The following CHCHD3 variants were observed in gnomAD, a reference collection of about 807,000 sequenced individuals.
CHCHD3 encodes the protein coiled-coil-helix-coiled-coil-helix domain containing 3, also known as MICOS complex subunit MIC19.
In CHCHD3, 20 loss-of-function variants were observed where a neutral mutation model predicts 38.2. The observed-to-expected ratio is 0.52, with a 90% CI of 0.37 to 0.76. CHCHD3 has a LOEUF of 0.76. CHCHD3 is among the 30% of genes least tolerant of loss of function. The pLI, the probability that CHCHD3 is intolerant of heterozygous loss-of-function variation, is 0.00. For synonymous variants in CHCHD3, 82 were observed against 100.0 expected (o/e 0.82, Z 1.07); for missense variants, 245 against 279.2 (o/e 0.88, Z 0.87).
chr7:132,945,934 C>G (rs1810889452), intron 4 of CHCHD3, among the ~76,000 whole-genome samples: 1 of 151,736 alleles, frequency 6.6e-6, no homozygotes, highest in African/African-American at 2.4e-5. Flanking sequence ...CTTCAGAGGG[C>G]AGAGTTACAA....
chr7:132,904,264 GAAA>G (rs773936483), intron 4 of CHCHD3, among the ~76,000 whole-genome samples: 2 of 136,564 alleles, frequency 1.5e-5, no homozygotes, highest in African/African-American at 5.4e-5. Flanking sequence ...TTTGTGTCTA[GAAA>G]AAAAAAAAAC....
chr7:132,852,623 G>T (rs1339146342), intron 5 of CHCHD3, among the ~76,000 whole-genome samples: 2 of 152,170 alleles, frequency 1.3e-5, no homozygotes, highest in Admixed American at 1.3e-4. Flanking sequence ...AGTGAATCCA[G>T]TTATTACCCT....
At chr7:132,845,006 T>A (rs1031392672) in intron 5 of CHCHD3, 2 of 152,188 alleles carry the variant, frequency 1.3e-5, no homozygotes, top group African/African-American at 4.8e-5. Flanking sequence ...TTTAATACGT[T>A]TCCTGTAAAA....
At chr7:132,873,865 G>T (rs1163102550) in intron 5 of CHCHD3, among the ~76,000 whole-genome samples, 1 of 152,136 alleles carries the variant, frequency 6.6e-6, no homozygotes, top group East Asian at 1.9e-4. Flanking sequence ...CTTGCTTGAG[G>T]AGTAGTAATT....
intron 4 of CHCHD3, among the ~76,000 whole-genome samples, chr7:132,968,348 A>G (rs1811529442): frequency 6.6e-6 from 1 of 152,206 alleles, no homozygotes; most frequent in South Asian, 2.1e-4. Flanking sequence ...TGGGACTTGC[A>G]GATGGATTCC....
intron 3 of CHCHD3, among the ~76,000 whole-genome samples, chr7:133,011,522 T>C (rs1311646788): frequency 6.6e-6 from 1 of 152,186 alleles, no homozygotes; most frequent in African/African-American, 2.4e-5. Context: ...TTTAACAGCA[T>C]TGCTGGCCTC....
chr7:132,818,097 A>G (rs1230636356), intron 6 of CHCHD3, among the ~76,000 whole-genome samples: 4 of 152,146 alleles, frequency 2.6e-5, no homozygotes, highest in Admixed American at 6.5e-5. Flanking sequence ...ATTATTTGCT[A>G]TGGTTACAAT....
chr7:132,954,794 G>A (rs117302358), intron 4 of CHCHD3, among the ~76,000 whole-genome samples: 3 of 152,188 alleles, frequency 2.0e-5, no homozygotes, highest in East Asian at 1.9e-4. Flanking sequence ...GACGTCCCTC[G>A]CCATCTGCCT....
At chr7:133,051,613 T>C (rs1814164889) in intron 2 of CHCHD3, among the ~76,000 whole-genome samples, 1 of 152,136 alleles carries the variant, frequency 6.6e-6, no homozygotes, top group Non-Finnish European at 1.5e-5. Flanking sequence ...ATTTTTAAAT[T>C]TTATATATTA....
At chr7:132,945,410 C>G (rs1810871525) in intron 4 of CHCHD3, among the ~76,000 whole-genome samples, 1 of 151,872 alleles carries the variant, frequency 6.6e-6, no homozygotes. Flanking sequence ...TAATATTGTA[C>G]ATATATGTAT....
At chr7:133,027,358 G>A (rs1401461420) in intron 2 of CHCHD3, among the ~76,000 whole-genome samples, 1 of 87,304 alleles carries the variant, frequency 1.1e-5, no homozygotes, top group East Asian at 3.9e-4. Context: ...ACCTTAATAA[G>A]TTGTAAGAGA....
intron 4 of CHCHD3, among the ~76,000 whole-genome samples, chr7:132,949,855 T>C (rs1418040989): frequency 6.6e-6 from 1 of 152,046 alleles, no homozygotes; most frequent in Non-Finnish European, 1.5e-5. Flanking sequence ...CAAAGATCAT[T>C]GTAGAGTAGC....
rs563845182 is a variant in CHCHD3 at position 132,953,340 on chromosome 7, G to A, written c.369+21829C>T. ...GGGAGGCTCTATTTCTCCCCACAAC[G>A]AGGCTCCTATGTCTACTCAGGAACC... On this transcript the variant is annotated intron_variant, in intron 4 of 7. Coordinates refer to ENST00000262570, the MANE Select transcript of CHCHD3 (RefSeq NM_017812.4). Among the ~76,000 whole-genome samples, 24 of 152,158 alleles carry A rather than the reference G, an allele frequency of 1.6e-4. 4 individuals are homozygous for A. In the South Asian group the frequency reaches 3.5e-3, roughly 22 times the overall value.
At chr7:132,995,316 A>T (rs973567837) in intron 3 of CHCHD3, among the ~76,000 whole-genome samples, 1 of 152,214 alleles carries the variant, frequency 6.6e-6, no homozygotes, top group South Asian at 2.1e-4. Flanking sequence ...ACACCCATGA[A>T]GCCATCACTA....
chr7:133,008,352 G>A (rs747251167), intron 3 of CHCHD3, among the ~76,000 whole-genome samples: 58 of 105,018 alleles, frequency 5.5e-4, no homozygotes, highest in South Asian at 8.2e-4. Flanking sequence ...TTAAGCTATC[G>A]ATGGTTTTTA....
At chr7:132,965,129 G>A (rs538490940) in intron 4 of CHCHD3, among the ~76,000 whole-genome samples, 2 of 151,586 alleles carry the variant, frequency 1.3e-5, no homozygotes, top group South Asian at 4.2e-4. Flanking sequence ...GCGATTAGTT[G>A]CCCTTTCTAC....
At chr7:132,898,718 G>A (rs142425331) in intron 4 of CHCHD3, among the ~76,000 whole-genome samples, 3,260 of 152,364 alleles carry the variant, frequency 0.021, 40 homozygotes, top group Non-Finnish European at 0.034. Context: ...GGAGGCTCAC[G>A]CATGGCGGGC....
intron 3 of CHCHD3, among the ~76,000 whole-genome samples, chr7:132,996,007 G>T (rs1234876812): frequency 1.3e-5 from 2 of 152,132 alleles, no homozygotes; most frequent in Non-Finnish European, 2.9e-5. Context: ...CCACAGCTTA[G>T]AGAAGTTCAA....
At chr7:132,860,070 A>G (rs191532021) in intron 5 of CHCHD3, among the ~76,000 whole-genome samples, 140 of 152,288 alleles carry the variant, frequency 9.2e-4, no homozygotes, top group Middle Eastern at 3.4e-3. Context: ...CGGGAGTTCA[A>G]GACCAGCCTA....
Sources: allele counts gnomAD v4.1 joint callset (sites outside exome capture counted in the v4.1 genomes callset), GRCh38; gene constraint gnomAD v4.1.1; transcripts MANE v1.5; gene names NCBI Gene and HGNC (gene_info 2026-07-23, HGNC 2026-07-21).